Variants in NRG3 observed in about 807,000 individuals in gnomAD.
The protein encoded by NRG3 is neuregulin 3, also known as pro-neuregulin-3, membrane-bound isoform.
In NRG3, 31 loss-of-function variants were observed where a neutral mutation model predicts 66.9. The observed-to-expected ratio is 0.46, with a 90% CI of 0.35 to 0.63. The LOEUF is 0.63. Ranked by LOEUF, NRG3 falls within the 20% of genes least tolerant of loss-of-function variation. NRG3 has a pLI of 0.00. For missense variants in NRG3, 910 were observed against 878.9 expected (o/e 1.04, Z -0.45); for synonymous variants, 393 against 359.4 (o/e 1.09, Z -1.06).
At chr10:82,865,857 T>C (rs1399778007) in intron 4 of NRG3, among the ~76,000 whole-genome samples, 1 of 152,222 alleles carries the variant, frequency 6.6e-6, no homozygotes, top group Non-Finnish European at 1.5e-5. Flanking sequence ...AAATTTTTAC[T>C]TCTAAGTCCC....
chr10:82,054,357 T>C (rs2063737441), intron 1 of NRG3, among the ~76,000 whole-genome samples: 1 of 152,094 alleles, frequency 6.6e-6, no homozygotes, highest in Non-Finnish European at 1.5e-5. Flanking sequence ...GATTTGCTCA[T>C]GGCTTAGTGG....
chr10:82,493,376 C>T (rs1277926141), intron 2 of NRG3, among the ~76,000 whole-genome samples: 9 of 152,000 alleles, frequency 5.9e-5, no homozygotes, highest in East Asian at 5.8e-4. Context: ...TGAGGACATG[C>T]GATGTTTGGT....
chr10:82,080,669 T>C (rs1452316477), intron 1 of NRG3, among the ~76,000 whole-genome samples: 2 of 152,176 alleles, frequency 1.3e-5, no homozygotes, highest in East Asian at 3.9e-4. Context: ...CAATTTCTGA[T>C]TTTTGCTTAG....
intron 1 of NRG3, among the ~76,000 whole-genome samples, chr10:81,993,989 A>C (rs1564720608): frequency 1.3e-5 from 2 of 152,072 alleles, no homozygotes; most frequent in African/African-American, 4.8e-5. Flanking sequence ...ACAATTTCCT[A>C]TTGTTGTTTC....
intron 2 of NRG3, among the ~76,000 whole-genome samples, chr10:82,653,306 T>C (rs1028427540): frequency 6.6e-6 from 1 of 152,100 alleles, no homozygotes. Context: ...GAGTAGGTGA[T>C]AAATAGAGAA....
intron 1 of NRG3, among the ~76,000 whole-genome samples, chr10:82,096,742 C>A (rs1269536467): frequency 6.6e-6 from 1 of 151,938 alleles, no homozygotes; most frequent in African/African-American, 2.4e-5. Context: ...AATGAACATA[C>A]AAGAAAAATA....
At chr10:82,412,955 C>A (rs942474135) in intron 2 of NRG3, among the ~76,000 whole-genome samples, 5 of 152,154 alleles carry the variant, frequency 3.3e-5, no homozygotes, top group African/African-American at 1.2e-4. Flanking sequence ...AATTCTAGTT[C>A]TCTTGCCATT....
At chr10:82,229,746 T>G (rs1221046575) in intron 1 of NRG3, among the ~76,000 whole-genome samples, 1 of 152,166 alleles carries the variant, frequency 6.6e-6, no homozygotes, top group Non-Finnish European at 1.5e-5. Context: ...GCCCCCATGA[T>G]CTAACCACCT....
intron 2 of NRG3, among the ~76,000 whole-genome samples, chr10:82,381,341 C>A (rs1278244630): frequency 2.6e-5 from 4 of 152,124 alleles, no homozygotes; most frequent in Non-Finnish European, 5.9e-5. Flanking sequence ...ATAACAATAA[C>A]TAACATCTAT....
At chr10:82,166,710 T>A (rs1186661765) in intron 1 of NRG3, 1 of 584,656 alleles carries the variant, frequency 1.7e-6, no homozygotes, top group Non-Finnish European at 3.1e-6. Context: ...TCTGGTGCTC[T>A]TCATTCTTTT....
intron 1 of NRG3, among the ~76,000 whole-genome samples, chr10:82,083,505 G>A (rs1318029510): frequency 6.6e-6 from 1 of 151,904 alleles, no homozygotes; most frequent in Admixed American, 6.6e-5. Flanking sequence ...CTAGGTACTG[G>A]GTAGAGATAA....
intron 1 of NRG3, among the ~76,000 whole-genome samples, chr10:82,299,961 A>G (rs2080298627): frequency 6.6e-6 from 1 of 152,202 alleles, no homozygotes; most frequent in Admixed American, 6.5e-5. Context: ...TAAAGTGTAA[A>G]CTGTAAACCA....
At chr10:82,582,662 TTGTGTGTGTGTGTGTG>T (rs141112949) in intron 2 of NRG3, among the ~76,000 whole-genome samples, 10 of 146,478 alleles carry the variant, frequency 6.8e-5, no homozygotes, top group Middle Eastern at 3.5e-3. Context: ...TCTATATGTG[TTGTGTGTGTGTGTGTG>T]TGTGTGTGTG....
intron 1 of NRG3, among the ~76,000 whole-genome samples, chr10:82,249,226 T>C (rs1200460619): frequency 6.6e-6 from 1 of 152,230 alleles, no homozygotes; most frequent in Non-Finnish European, 1.5e-5. Flanking sequence ...AGCCTTTATA[T>C]GGCCTTCCAG....
intron 2 of NRG3, among the ~76,000 whole-genome samples, chr10:82,605,120 A>G (rs1477916804): frequency 6.6e-6 from 1 of 152,026 alleles, no homozygotes; most frequent in South Asian, 2.1e-4. Flanking sequence ...TTTGTTTCTG[A>G]TCTTAGTGAG....
intron 1 of NRG3, among the ~76,000 whole-genome samples, chr10:82,044,203 A>T (rs114825425): frequency 0.029 from 4,436 of 152,094 alleles, 224 homozygotes; most frequent in African/African-American, 0.1. Flanking sequence ...CATATACTTT[A>T]TGAAGTTTTG....
intron 4 of NRG3, among the ~76,000 whole-genome samples, chr10:82,949,929 A>G (rs942946853): frequency 2.0e-5 from 3 of 152,178 alleles, no homozygotes; most frequent in Non-Finnish European, 2.9e-5. Context: ...ACTAGTATTA[A>G]CAAAGAAAAA....
At chr10:82,098,490 C>T (rs1440777711) in intron 1 of NRG3, among the ~76,000 whole-genome samples, 2 of 152,106 alleles carry the variant, frequency 1.3e-5, no homozygotes, top group Non-Finnish European at 2.9e-5. Context: ...GTGAGAATCA[C>T]AGGTCTTTCT....
intron 1 of NRG3, among the ~76,000 whole-genome samples, chr10:81,985,838 A>C (rs760793122): frequency 4.6e-5 from 7 of 152,376 alleles, no homozygotes; most frequent in Non-Finnish European, 8.8e-5. Flanking sequence ...AAGGAAAATA[A>C]CATAGAATGG....
Sources: allele counts gnomAD v4.1 joint callset (sites outside exome capture counted in the v4.1 genomes callset), GRCh38; gene constraint gnomAD v4.1.1; transcripts MANE v1.5; gene names NCBI Gene and HGNC (gene_info 2026-07-23, HGNC 2026-07-21).